MYH9: variants seen among roughly 807,000 people sequenced by gnomAD.
MYH9 encodes myosin heavy chain 9, also known as myosin-9.
In MYH9, 29 loss-of-function variants were observed where a neutral mutation model predicts 241.9. That is an observed-to-expected ratio of 0.12 (90% CI 0.09 to 0.16). MYH9 has a LOEUF of 0.16. MYH9 is among the 10% of genes least tolerant of loss of function. The pLI is 1.00. For synonymous variants in MYH9, 1,047 were observed against 1,062.6 expected (o/e 0.99, Z 0.29); for missense variants, 1,803 against 2,595.5 (o/e 0.69, Z 6.63).
chr22:36,351,961 GC>G (rs1695675024), intron 1 of MYH9, among the ~76,000 whole-genome samples: 2 of 151,944 alleles, frequency 1.3e-5, no homozygotes, highest in African/African-American at 2.4e-5. Context: ...CACCTAACTG[GC>G]AACCATCCTG....
Position 36,348,948 on chromosome 22 carries a change from C to A in MYH9, c.289G>T (p.Val97Leu), listed in dbSNP as rs781771309. Residue 97 changes from valine to leucine, a missense_variant, in exon 2 of 41, where the codon GTG becomes TTG. This residue lies in a region of MYH9 where 72 missense variants were observed against 134.3 expected (regional missense o/e 0.54). Transcript: ENST00000216181. ...AELTCLNEASVLHNLKERYYS... is the reference protein window; with the variant it reads ...AELTCLNEASLLHNLKERYYS... ...TAACGCTCCTTGAGGTTGTGCAGCA[C>A]CGAGGCTTCGTTGAGGCACGTGAGC... 2.5e-6 allele frequency: 4 copies of A among 1,613,994 alleles called. No individual in the cohort carries two copies. The Admixed American group carries it at 5.0e-5, about 20-fold the overall frequency.
chr22:36,375,392 GC>G (rs1208430359), intron 1 of MYH9, among the ~76,000 whole-genome samples: 15 of 152,202 alleles, frequency 9.9e-5, no homozygotes, highest in Admixed American at 2.0e-4. Context: ...GAAGTCAGTA[GC>G]CAAGGCATCA....
At chr22:36,297,710 G>A (rs983763131) in intron 24 of MYH9, among the ~76,000 whole-genome samples, 1 of 152,172 alleles carries the variant, frequency 6.6e-6, no homozygotes, top group African/African-American at 2.4e-5. Context: ...TTATGTACCC[G>A]TCCTGCAGCT....
chr22:36,314,060 C>G, intron 13 of MYH9, 85 bp downstream of exon 13: 1 of 1,505,572 alleles, frequency 6.6e-7, no homozygotes. Flanking sequence ...CCTCCACAAC[C>G]AACACAGAGC....
chr22:36,382,212 C>T (rs1323774046), intron 1 of MYH9, among the ~76,000 whole-genome samples: 9 of 152,234 alleles, frequency 5.9e-5, no homozygotes, highest in African/African-American at 1.9e-4. Flanking sequence ...CGGTGGCTCA[C>T]GCCTGTAATC....
chr22:36,295,141 C>T lies in MYH9; in HGVS notation c.3486-65G>A. ...CTGGAGCGAGGCTGTCCCTGGGGCT[C>T]TTCCCTGACCAAAGAGAGGCCTGGC... On this transcript the variant is annotated intron_variant, in intron 26 of 40. Transcript: ENST00000216181. This position sits in a 1 kb window ranked among gnomAD's most constrained non-coding sequence, Gnocchi z 4.1. 6.2e-7 allele frequency: 1 copy of T among 1,610,306 alleles called. No homozygotes were observed. Among genetic ancestry groups the T allele is most frequent in the Non-Finnish European group, 8.5e-7 (1 of 1,177,966 alleles).
chr22:36,289,702 T>A (rs2016654127), intron 31 of MYH9, among the ~76,000 whole-genome samples: 1 of 152,164 alleles, frequency 6.6e-6, no homozygotes, highest in South Asian at 2.1e-4. Flanking sequence ...CTGAACCCCA[T>A]TTGTGGTCTT....
In MYH9 at chr22:36,306,365, A is replaced by AC. The variant is rs2016969858; in HGVS notation, c.2037+48dup. On this transcript the variant is annotated intron_variant, in intron 16 of 40. Transcript: ENST00000216181. This position sits in a 1 kb window ranked among gnomAD's most constrained non-coding sequence, Gnocchi z 4.1. ...CTGGGGAGACAGACAAGGGCTGAGCACCCCACACCACAGTGCCCTGCCCGG... is the reference window on the plus strand; with the variant it reads ...CTGGGGAGACAGACAAGGGCTGAGCACCCCCACACCACAGTGCCCTGCCCGG... 6.2e-7 allele frequency: 1 copy of AC among 1,607,056 alleles called. No individual in the cohort carries two copies. The highest frequency in any genetic ancestry group is 8.5e-7 in the Non-Finnish European group (1 of 1,175,492).
chr22:36,328,667 C>A (rs898939566), intron 3 of MYH9, among the ~76,000 whole-genome samples: 1 of 152,210 alleles, frequency 6.6e-6, no homozygotes. Flanking sequence ...CTGTCTATAC[C>A]GACTTCCCCA....
chr22:36,360,153 T>C (rs12158171), intron 1 of MYH9, among the ~76,000 whole-genome samples: 1 of 149,788 alleles, frequency 6.7e-6, no homozygotes, highest in African/African-American at 2.4e-5. Context: ...CTCCTCTATC[T>C]TGTGATTCTG....
chr22:36,377,146 G>A (rs1412859447), intron 1 of MYH9, among the ~76,000 whole-genome samples: 3 of 151,770 alleles, frequency 2.0e-5, no homozygotes, highest in Admixed American at 6.6e-5. Context: ...TCCCAAACAC[G>A]GAGTTACAGC....
intron 13 of MYH9, 75 bp from the exon 14 acceptor site, chr22:36,312,297 C>G: frequency 6.8e-7 from 1 of 1,474,188 alleles, no homozygotes; most frequent in South Asian, 1.2e-5. Flanking sequence ...AGCCAAAGCC[C>G]GGACATCAGA....
At chr22:36,290,356 A>C (rs1019156089) in intron 31 of MYH9, among the ~76,000 whole-genome samples, 6 of 151,600 alleles carry the variant, frequency 4.0e-5, no homozygotes, top group African/African-American at 1.2e-4. Context: ...AAAAAAAAAA[A>C]AACCCAAACT....
intron 2 of MYH9, among the ~76,000 whole-genome samples, chr22:36,346,775 T>G (rs2017684398): frequency 6.6e-6 from 1 of 152,110 alleles, no homozygotes; most frequent in Non-Finnish European, 1.5e-5. Flanking sequence ...CATCTAATTT[T>G]TTTATTTTTT....
rs1446380017 is a variant in MYH9, at chr22:36,285,086, G to T, written c.5483+35C>A. Reference sequence around the variant, plus strand: ...GCAGGGGGGCCAGAGTTTTTTCCAGGACAGCTGGGGTTGGGCGGGGCCAGG... The same window carrying T: ...GCAGGGGGGCCAGAGTTTTTTCCAGTACAGCTGGGGTTGGGCGGGGCCAGG... On this transcript the variant is annotated intron_variant, in intron 38 of 40. Coordinates refer to ENST00000216181, the MANE Select transcript of MYH9 (RefSeq NM_002473.6). This position sits in a 1 kb window ranked among gnomAD's most constrained non-coding sequence, Gnocchi z 7.0. 1 of 1,604,278 alleles carries T rather than the reference G, an allele frequency of 6.2e-7. No homozygotes were observed. Among genetic ancestry groups the T allele is most frequent in the South Asian group, 1.1e-5 (1 of 90,676 alleles).
intron 18 of MYH9, 117 bp downstream of exon 18, chr22:36,304,916 G>T (rs2016944847): frequency 9.7e-7 from 1 of 1,032,742 alleles, no homozygotes; most frequent in East Asian, 2.4e-5. Context: ...GCATCAGAAG[G>T]GACACAGCCT....
intron 40 of MYH9, among the ~76,000 whole-genome samples, chr22:36,283,396 G>A (rs2016524180): frequency 6.6e-6 from 1 of 151,894 alleles, no homozygotes; most frequent in Non-Finnish European, 1.5e-5. Flanking sequence ...AATTAGCCGG[G>A]CATAGTGGTG....
intron 1 of MYH9, among the ~76,000 whole-genome samples, chr22:36,350,324 G>C (rs2017744952): frequency 6.6e-6 from 1 of 152,238 alleles, no homozygotes; most frequent in Admixed American, 6.5e-5. Context: ...GATCACCTGA[G>C]GTTGGGAGTT....
intron 20 of MYH9, 90 bp downstream of exon 20, chr22:36,302,478 C>T (rs2016894724): frequency 8.6e-7 from 1 of 1,162,764 alleles, no homozygotes; most frequent in Admixed American, 1.7e-5. Context: ...TGAGACCACA[C>T]CTCTACAAAA....
Sources: gnomAD v4.1 joint callset for allele counts (sites outside exome capture counted in the v4.1 genomes callset) on GRCh38, gnomAD v4.1.1 for gene constraint, gnomAD v4.1.1 regional missense constraint, Gnocchi (gnomAD v3.1) non-coding constraint, MANE v1.5 for transcripts, NCBI Gene and HGNC (gene_info 2026-07-23, HGNC 2026-07-21) for gene names.